The following CPD variants were observed in gnomAD, a reference collection of about 807,000 sequenced individuals.
The protein encoded by CPD is carboxypeptidase D.
Under a neutral mutation model 138.3 loss-of-function variants are expected in CPD, and 69 were observed. The ratio of observed to expected loss-of-function variants is 0.50; its 90% confidence interval spans 0.41 to 0.61. The LOEUF (loss-of-function observed/expected upper bound fraction) is 0.61. Among genes scored for constraint, CPD ranks in the 20% least tolerant of loss-of-function variants. The pLI is 0.00. For missense variants in CPD, 1,432 were observed against 1,733.3 expected (o/e 0.83, Z 3.09); for synonymous variants, 651 against 642.1 (o/e 1.01, Z -0.21).
chr17:30,381,560 C>T (rs1273300410), intron 1 of CPD, among the ~76,000 whole-genome samples: 2 of 152,118 alleles, frequency 1.3e-5, no homozygotes, highest in African/African-American at 4.8e-5. Flanking sequence ...AAGAGTACAT[C>T]CATCCTAACT....
Position 30,382,955 on chromosome 17 carries a change from C to T in CPD, c.747-2034C>T, listed in dbSNP as rs188670575. Among the ~76,000 whole-genome samples the T allele has an allele frequency of 7.5e-4, 114 of 152,238 alleles. 1 individual carries two copies. The highest frequency in any genetic ancestry group is 2.7e-3 in the Admixed American group (42 of 15,278). On this transcript the variant is annotated intron_variant, in intron 1 of 20. Coordinates refer to ENST00000225719, the MANE Select transcript of CPD (RefSeq NM_001304.5). The stretch of plus-strand genomic sequence containing the variant: ...TTGACACTCAAGAAATGTTTGTTGC[C>T]GAATGGATTACCTGACCTGCCCCAG...
At chr17:30,384,395 A>T (rs1485703864) in intron 1 of CPD, among the ~76,000 whole-genome samples, 3 of 152,240 alleles carry the variant, frequency 2.0e-5, no homozygotes, top group Non-Finnish European at 4.4e-5. Context: ...TTAACCTAAC[A>T]TATATGCAAT....
In CPD at chr17:30,445,806, G is replaced by T. The variant is rs779711077; in HGVS notation, c.2659G>T (p.Ala887Ser). 1 of 1,614,068 alleles carries T rather than the reference G, an allele frequency of 6.2e-7. No individual in the cohort carries two copies. Among genetic ancestry groups the T allele is most frequent in the South Asian group, 1.1e-5 (1 of 91,082 alleles). Residue 887 changes from alanine (A) to serine (S), a missense_variant, in exon 12 of 21, where the codon GCT becomes TCT. Coordinates refer to ENST00000225719, the MANE Select transcript of CPD (RefSeq NM_001304.5). ...CAATGAATCAAAGAAAGGAAAAGGGGCTAGCAGCAGCACCAATGATGCCAG... is the reference window on the plus strand; with the variant it reads ...CAATGAATCAAAGAAAGGAAAAGGGTCTAGCAGCAGCACCAATGATGCCAG... ...SNNESKKGKG[A>S]SSSTNDASDP...
chr17:30,396,897 T>C (rs1429203491), intron 2 of CPD, among the ~76,000 whole-genome samples: 1 of 152,044 alleles, frequency 6.6e-6, no homozygotes, highest in Non-Finnish European at 1.5e-5. Flanking sequence ...TCATACGTAT[T>C]CTTTCCTAAA....
intron 2 of CPD, among the ~76,000 whole-genome samples, chr17:30,392,852 C>G (rs1325442625): frequency 2.0e-5 from 3 of 152,166 alleles, no homozygotes; most frequent in African/African-American, 7.2e-5. Context: ...ATTGCTTTCC[C>G]TAAAATACGA....
intron 2 of CPD, among the ~76,000 whole-genome samples, chr17:30,417,744 A>G (rs1475931117): frequency 1.3e-5 from 2 of 152,104 alleles, no homozygotes; most frequent in African/African-American, 4.8e-5. Context: ...TTTGCTTCCA[A>G]TCCCCCACGC....
chr17:30,419,066 G>A (rs1330933816), intron 2 of CPD, among the ~76,000 whole-genome samples: 1 of 152,202 alleles, frequency 6.6e-6, no homozygotes, highest in Non-Finnish European at 1.5e-5. Context: ...TCAAGAACTA[G>A]ATGTGTTTCA....
chr17:30,416,164 T>TA (rs1741545469), intron 2 of CPD, among the ~76,000 whole-genome samples: 1 of 152,044 alleles, frequency 6.6e-6, no homozygotes, highest in South Asian at 2.1e-4. Flanking sequence ...ACCCTGTCTC[T>TA]ACTAAAAAAA....
At chr17:30,453,126 C>T (rs1427633503) in intron 14 of CPD, among the ~76,000 whole-genome samples, 1 of 152,140 alleles carries the variant, frequency 6.6e-6, no homozygotes, top group East Asian at 1.9e-4. Context: ...ATCTCATGTC[C>T]TCACATTTCA....
intron 8 of CPD, among the ~76,000 whole-genome samples, chr17:30,437,566 T>C (rs1204920209): frequency 2.6e-5 from 4 of 151,980 alleles, no homozygotes; most frequent in Non-Finnish European, 4.4e-5. Context: ...ATGCCTATAG[T>C]CCCAGCTCCT....
Position 30,379,177 on chromosome 17 carries a change from C to A in CPD, c.197C>A (p.Ser66Ter). 6.5e-7 allele frequency: 1 copy of A among 1,533,558 alleles called. No individual in the cohort carries two copies. Among genetic ancestry groups the A allele is most frequent in the Non-Finnish European group, 8.7e-7 (1 of 1,143,790 alleles). The allele number at this position is 1,533,558 out of a possible 1,614,324, so 95.0% of individuals were successfully genotyped here. ...TACTACCACGAAGAGGAGTTGGAGT[C>A]GGCGCTGAGGGAGGCGGCGGCCGCG... Reference protein sequence around the residue: ...DRYYHEEELESALREAAAAGL... With the variant: ...DRYYHEEELE Residue 66 changes from serine (S) to a stop codon, truncating the protein, a stop_gained, in exon 1 of 21, where the codon TCG becomes TAG. Transcript: ENST00000225719. LOFTEE classifies it high-confidence loss of function. This position sits in a 1 kb window ranked among gnomAD's most constrained non-coding sequence, Gnocchi z 7.0.
chr17:30,462,657 A>C (rs1311044500), intron 20 of CPD, among the ~76,000 whole-genome samples, 188 bp downstream of exon 20: 2 of 152,086 alleles, frequency 1.3e-5, no homozygotes, highest in Non-Finnish European at 2.9e-5. Context: ...TTCTCTGCCG[A>C]GACCAGCTCC....
At chr17:30,462,295 G>A (rs1913497108) in intron 19 of CPD, 75 bp from the exon 20 acceptor site, 3 of 1,234,512 alleles carry the variant, frequency 2.4e-6, no homozygotes, top group Admixed American at 3.9e-5. Flanking sequence ...TTGCTATATG[G>A]GGCCTAATAA....
chr17:30,460,724 T>C (rs1913449086), intron 17 of CPD, among the ~76,000 whole-genome samples: 1 of 152,218 alleles, frequency 6.6e-6, no homozygotes, highest in Non-Finnish European at 1.5e-5. Flanking sequence ...CTTGATAATA[T>C]CAATGCCGTA....
At position 30,386,886 on chromosome 17, in the gene CPD, G is replaced by C. The variant is rs938567741; in HGVS notation, c.994+1650G>C. ...ATGAGCACTGGGTTGTTTCCACCTT[G>C]GCTACTAGGAATAATGCGTAATGAA... On this transcript the variant is annotated intron_variant, in intron 2 of 20. Transcript: ENST00000225719. 7.2e-5 allele frequency among the ~76,000 whole-genome samples: 11 copies of C among 152,192 alleles called. No homozygotes were observed. The East Asian group carries it at 7.7e-4, about 11-fold the overall frequency.
At chr17:30,438,216 G>A (rs1013378869) in intron 8 of CPD, among the ~76,000 whole-genome samples, 3 of 151,734 alleles carry the variant, frequency 2.0e-5, no homozygotes, top group Non-Finnish European at 4.4e-5. Context: ...CACACTTTCA[G>A]TACTTTTTTT....
Position 30,453,603 on chromosome 17 carries a change from A to G in CPD, c.3206-1736A>G, listed in dbSNP as rs549991828. ...AGCTGTCGTGGATCTACCATTCTGG[A>G]GTCTGGAGGATGGTGGCCCTCTTCT... On this transcript the variant is annotated intron_variant, in intron 14 of 20. Coordinates refer to ENST00000225719, the MANE Select transcript of CPD (RefSeq NM_001304.5). Among the ~76,000 whole-genome samples the G allele has an allele frequency of 2.5e-3, 379 of 152,186 alleles. 1 individual carries two copies. Among genetic ancestry groups the G allele is most frequent in the African/African-American group, 8.7e-3 (362 of 41,538 alleles).
In CPD at chr17:30,379,333, G is replaced by A; in HGVS notation, c.353G>A (p.Gly118Glu). The change falls in exon 1 of 21, where the codon GGG (glycine) becomes GAG (glutamate). Residue 118 changes from glycine (G) to glutamate (E), a missense_variant. Transcript: ENST00000225719. The surrounding 1 kb of genome is among the most constrained non-coding windows in gnomAD (Gnocchi z 7.0). ...GGCGACGCGGGGCCTGACGCTGCCGGGCCCGACGCTGCGGGGCCGCTGCTG... is the reference window on the plus strand; with the variant it reads ...GGCGACGCGGGGCCTGACGCTGCCGAGCCCGACGCTGCGGGGCCGCTGCTG... ...PEGDAGPDAA[G>E]PDAAGPLLPG... 1 of 1,489,396 alleles carries A rather than the reference G, an allele frequency of 6.7e-7. No individual in the cohort carries two copies. The highest frequency in any genetic ancestry group is 8.9e-7 in the Non-Finnish European group (1 of 1,127,506). The allele number at this position is 1,489,396 out of a possible 1,614,324, so 92.3% of individuals were successfully genotyped here.
chr17:30,390,315 C>T (rs1318892318), intron 2 of CPD, among the ~76,000 whole-genome samples: 3 of 152,108 alleles, frequency 2.0e-5, no homozygotes, highest in East Asian at 1.9e-4. Context: ...CATGCTCAGC[C>T]GAGTAATTTT....
Sources: allele counts gnomAD v4.1 joint callset (sites outside exome capture counted in the v4.1 genomes callset), GRCh38; gene constraint gnomAD v4.1.1; non-coding constraint Gnocchi (gnomAD v3.1); transcripts MANE v1.5; gene names NCBI Gene and HGNC (gene_info 2026-07-23, HGNC 2026-07-21).